The following TMPRSS15 variants were observed in gnomAD, a reference collection of about 807,000 sequenced individuals.
The protein encoded by TMPRSS15 is transmembrane serine protease 15, also known as enteropeptidase.
Under a neutral mutation model 125.3 loss-of-function variants are expected in TMPRSS15, and 128 were observed. That is an observed-to-expected ratio of 1.02 (90% CI 0.89 to 1.18). The LOEUF (loss-of-function observed/expected upper bound fraction) is 1.18. Ranked by LOEUF, TMPRSS15 falls within the 50% of genes most tolerant of loss-of-function variation. The pLI is 0.00. For synonymous variants in TMPRSS15, 446 were observed against 423.2 expected (o/e 1.05, Z -0.66); for missense variants, 1,283 against 1,212.7 (o/e 1.06, Z -0.86).
At chr21:18,341,670 A>G in intron 12 of TMPRSS15, 122 bp from the exon 13 acceptor site, 1 of 1,086,510 alleles carries the variant, frequency 9.2e-7, no homozygotes, top group Middle Eastern at 2.8e-4. Context: ...ACCTTGAACT[A>G]TATGGTGACC....
chr21:18,483,545 A>G (rs1474773064), intron 1 of TMPRSS15, among the ~76,000 whole-genome samples: 1 of 151,872 alleles, frequency 6.6e-6, no homozygotes, highest in Admixed American at 6.6e-5. Context: ...GCAAACCTGT[A>G]AAATTCCTTT....
chr21:18,397,778 T>C, intron 3 of TMPRSS15, 101 bp downstream of exon 3: 1 of 637,390 alleles, frequency 1.6e-6, no homozygotes, highest in Non-Finnish European at 2.6e-6. Context: ...TTGAAAAATT[T>C]AAATATTCCT....
At chr21:18,435,741 G>C (rs1474016888) in intron 1 of TMPRSS15, among the ~76,000 whole-genome samples, 1 of 152,110 alleles carries the variant, frequency 6.6e-6, no homozygotes, top group Non-Finnish European at 1.5e-5. Context: ...GTAGAATTCG[G>C]CTGTGAATCC....
At chr21:18,437,413 G>C (rs2076230285) in intron 1 of TMPRSS15, among the ~76,000 whole-genome samples, 1 of 152,090 alleles carries the variant, frequency 6.6e-6, no homozygotes, top group Non-Finnish European at 1.5e-5. Context: ...ACATAGGCAT[G>C]GGCAAGGACT....
chr21:18,471,732 C>T (rs185403632), intron 1 of TMPRSS15, among the ~76,000 whole-genome samples: 15 of 152,172 alleles, frequency 9.9e-5, no homozygotes, highest in Admixed American at 2.0e-4. Flanking sequence ...CATGCCCATA[C>T]CATAGGCAAA....
intron 16 of TMPRSS15, among the ~76,000 whole-genome samples, chr21:18,325,839 C>T (rs1278119732): frequency 6.6e-6 from 1 of 151,468 alleles, no homozygotes; most frequent in African/African-American, 2.4e-5. Context: ...CATATATATA[C>T]ACACACATAT....
chr21:18,321,715 G>T (rs776912161), intron 16 of TMPRSS15, among the ~76,000 whole-genome samples: 18 of 152,170 alleles, frequency 1.2e-4, no homozygotes, highest in Admixed American at 1.0e-3. Context: ...AAAGTGCCAG[G>T]ATGTGTGTCC....
chr21:18,409,212 T>A (rs2076159636), intron 1 of TMPRSS15, among the ~76,000 whole-genome samples: 1 of 152,120 alleles, frequency 6.6e-6, no homozygotes, highest in Admixed American at 6.6e-5. Flanking sequence ...TAACCCTTTT[T>A]CTTACTTTTG....
At chr21:18,381,265 G>A (rs2041220139) in intron 4 of TMPRSS15, among the ~76,000 whole-genome samples, 2 of 152,076 alleles carry the variant, frequency 1.3e-5, no homozygotes, top group African/African-American at 2.4e-5. Flanking sequence ...TTTGAATTGT[G>A]TTGGTTCTAT....
At chr21:18,345,844 C>T (rs1240144979) in intron 10 of TMPRSS15, among the ~76,000 whole-genome samples, 1 of 149,954 alleles carries the variant, frequency 6.7e-6, no homozygotes, top group African/African-American at 2.5e-5. Context: ...TATAAACACA[C>T]ATCATGCTCC....
chr21:18,343,071 G>A (rs1273865290), intron 12 of TMPRSS15, among the ~76,000 whole-genome samples: 1 of 152,152 alleles, frequency 6.6e-6, no homozygotes. Flanking sequence ...GGAAATACAT[G>A]GAGATTAAAT....
rs1283773227 is a variant in TMPRSS15 at position 18,280,590 on chromosome 21, AAAAAAC to A, written c.2668+444_2668+449del. ...GACTCCGTCTCAAAAAAAAAAAAAA[AAAAAAC>A]AACAAAACAACAAAAAACCAAACTT... On this transcript the variant is annotated intron_variant, in intron 22 of 24. Transcript: ENST00000284885. Among the ~76,000 whole-genome samples the A allele has an allele frequency of 8.0e-5, 12 of 149,930 alleles. 1 individual carries two copies. The highest frequency in any genetic ancestry group is 2.8e-4 in the African/African-American group (11 of 39,826).
chr21:18,376,660 G>C (rs1179049498), intron 5 of TMPRSS15, among the ~76,000 whole-genome samples: 1 of 152,162 alleles, frequency 6.6e-6, no homozygotes, highest in African/African-American at 2.4e-5. Flanking sequence ...ACAAGCTGTA[G>C]TGTAGAAATC....
chr21:18,440,243 C>T (rs186295366), intron 1 of TMPRSS15, among the ~76,000 whole-genome samples: 2,234 of 150,722 alleles, frequency 0.015, 48 homozygotes, highest in African/African-American at 0.052. Context: ...CATGGTGGCG[C>T]GCGCCTGTAG....
At chr21:18,377,252 A>C (rs973967683) in intron 5 of TMPRSS15, among the ~76,000 whole-genome samples, 7 of 152,182 alleles carry the variant, frequency 4.6e-5, no homozygotes, top group African/African-American at 1.7e-4. Context: ...ATGTTTAGAA[A>C]CAAAGTTTTT....
At chr21:18,394,949 A>G (rs1192002688) in intron 3 of TMPRSS15, among the ~76,000 whole-genome samples, 1 of 152,164 alleles carries the variant, frequency 6.6e-6, no homozygotes, top group African/African-American at 2.4e-5. Context: ...TAACCATTAA[A>G]AAGGAAAAAA....
chr21:18,287,277 G>A (rs751397095), intron 21 of TMPRSS15, among the ~76,000 whole-genome samples: 3 of 152,124 alleles, frequency 2.0e-5, no homozygotes, highest in Non-Finnish European at 4.4e-5. Context: ...AGCAATCCAA[G>A]AGCAGGAAGG....
At chr21:18,378,345 T>C (rs2075862978) in intron 5 of TMPRSS15, among the ~76,000 whole-genome samples, 1 of 152,114 alleles carries the variant, frequency 6.6e-6, no homozygotes, top group Non-Finnish European at 1.5e-5. Context: ...TATGTTGTGG[T>C]GCTGTTTGGA....
At chr21:18,304,016 TCTGTGGGTGGTGA>T (rs1337974403) in intron 18 of TMPRSS15, among the ~76,000 whole-genome samples, 2 of 152,242 alleles carry the variant, frequency 1.3e-5, no homozygotes, top group East Asian at 3.9e-4. Flanking sequence ...GTAATACCCG[TCTGTGGGTGGTGA>T]AAACCTTGCT....
Sources: allele counts gnomAD v4.1 joint callset (sites outside exome capture counted in the v4.1 genomes callset), GRCh38; gene constraint gnomAD v4.1.1; transcripts MANE v1.5; gene names NCBI Gene and HGNC (gene_info 2026-07-23, HGNC 2026-07-21).